The following MCC variants were observed in gnomAD, a reference collection of about 807,000 sequenced individuals.
MCC encodes the protein colorectal mutant cancer protein.
A neutral mutation model predicts 116.2 loss-of-function variants in MCC; 90 were observed. The observed-to-expected ratio is 0.77, with a 90% CI of 0.65 to 0.92. The LOEUF is 0.92. Among genes scored for constraint, MCC ranks in the 40% least tolerant of loss-of-function variants. The pLI, the probability that MCC is intolerant of heterozygous loss-of-function variation, is 0.00. For missense variants in MCC, 1,516 were observed against 1,312.2 expected, an observed-to-expected ratio of 1.16 and a Z score of -2.40; for synonymous variants, 578 against 510.5, an observed-to-expected ratio of 1.13 and a Z score of -1.78.
At position 113,026,910 on chromosome 5, in the gene MCC, G is replaced by A. The variant is rs765150850; in HGVS notation, c.*392C>T. The A allele has an allele frequency of 9.5e-5, 16 of 169,110 alleles. No individual in the cohort carries two copies. The highest frequency in any genetic ancestry group is 1.4e-4 in the Non-Finnish European group (11 of 79,726). 10.5% of individuals were successfully genotyped at this position (169,110 alleles called of 1,614,324 possible). A position where few individuals can be genotyped will look rare whatever the true frequency, so the allele number is the denominator to read the frequency against. On this transcript the variant is annotated 3_prime_UTR_variant, in exon 19 of 19. Coordinates refer to ENST00000408903, the MANE Select transcript of MCC (RefSeq NM_001085377.2). ...GAGGAGAAACGAGATTCTAGAAGATGAGCCCAGCATCTACCAAAAAGAGGA... is the reference window on the plus strand; with the variant it reads ...GAGGAGAAACGAGATTCTAGAAGATAAGCCCAGCATCTACCAAAAAGAGGA...
At chr5:113,210,293 C>T (rs1487300780) in intron 3 of MCC, among the ~76,000 whole-genome samples, 2 of 152,182 alleles carry the variant, frequency 1.3e-5, no homozygotes, top group Non-Finnish European at 2.9e-5. Flanking sequence ...TCTTCCTTCC[C>T]AATTCTCTCT....
At chr5:113,243,675 CCTT>C (rs1764465677) in intron 3 of MCC, among the ~76,000 whole-genome samples, 1 of 151,852 alleles carries the variant, frequency 6.6e-6, no homozygotes, top group African/African-American at 2.4e-5. Flanking sequence ...GTGTGTTTAT[CCTT>C]CTTTCTGTTT....
At chr5:113,234,996 C>T (rs530474170) in intron 3 of MCC, among the ~76,000 whole-genome samples, 1 of 152,310 alleles carries the variant, frequency 6.6e-6, no homozygotes, top group East Asian at 1.9e-4. Context: ...TGGCAAACTT[C>T]CAAGAGCATG....
At chr5:113,298,979 C>A (rs1048295118) in intron 3 of MCC, among the ~76,000 whole-genome samples, 2 of 151,950 alleles carry the variant, frequency 1.3e-5, no homozygotes, top group Non-Finnish European at 2.9e-5. Flanking sequence ...ATGCTGAACC[C>A]CATTGCATGT....
chr5:113,340,801 T>C (rs1038514715), intron 2 of MCC, 71 bp from the exon 3 acceptor site: 91 of 1,273,484 alleles, frequency 7.1e-5, no homozygotes, highest in Non-Finnish European at 9.2e-5. Flanking sequence ...CAATAGGCAA[T>C]GATTTGGAAC....
intron 3 of MCC, among the ~76,000 whole-genome samples, chr5:113,243,562 T>G (rs1764459172): frequency 6.6e-6 from 1 of 152,234 alleles, no homozygotes; most frequent in Non-Finnish European, 1.5e-5. Context: ...GCCATGGGCC[T>G]CCACTGTTCC....
chr5:113,140,489 G>T (rs1759112850), intron 5 of MCC, among the ~76,000 whole-genome samples: 1 of 152,128 alleles, frequency 6.6e-6, no homozygotes, highest in Non-Finnish European at 1.5e-5. Flanking sequence ...ACTCACATTA[G>T]CATCTGCAAC....
chr5:113,417,875 G>A (rs1770200165), intron 1 of MCC, among the ~76,000 whole-genome samples: 2 of 151,874 alleles, frequency 1.3e-5, no homozygotes, highest in African/African-American at 4.8e-5. Flanking sequence ...CAAGGCTACA[G>A]TGAGCTGAGA....
Position 113,387,403 on chromosome 5 carries a change from T to G in MCC, c.171-2191A>C, listed in dbSNP as rs558607124. ...AGACCTACCTGATATTCAGCCAGAT[T>G]CATCCAAGAGTTAGGGATGATTAGG... On this transcript the variant is annotated intron_variant, in intron 1 of 18. Transcript: ENST00000408903. Among the ~76,000 whole-genome samples the G allele has an allele frequency of 1.1e-4, 17 of 152,342 alleles. No homozygotes were observed. The South Asian group carries it at 3.5e-3, about 32-fold the overall frequency.
chr5:113,064,197 C>T (rs1315282730), intron 13 of MCC, 30 bp from the exon 14 acceptor site: 2 of 1,581,636 alleles, frequency 1.3e-6, no homozygotes, highest in Non-Finnish European at 1.7e-6. Flanking sequence ...ACGGATTAAT[C>T]AACATAGGCC....
intron 11 of MCC, among the ~76,000 whole-genome samples, chr5:113,079,570 G>C (rs540334262): frequency 5.1e-4 from 78 of 152,234 alleles, no homozygotes; most frequent in Non-Finnish European, 7.2e-4. Flanking sequence ...GGATTCCCTA[G>C]TTAATAAATG....
chr5:113,438,387 T>C (rs967391545), intron 1 of MCC, among the ~76,000 whole-genome samples: 1 of 152,192 alleles, frequency 6.6e-6, no homozygotes, highest in Non-Finnish European at 1.5e-5. Flanking sequence ...GGCCACATCT[T>C]ATTAGTACAG....
At chr5:113,085,575 C>G (rs903198095) in intron 8 of MCC, among the ~76,000 whole-genome samples, 1 of 152,074 alleles carries the variant, frequency 6.6e-6, no homozygotes, top group Non-Finnish European at 1.5e-5. Context: ...TTATATTTGC[C>G]TAAGAGTCAC....
intron 3 of MCC, among the ~76,000 whole-genome samples, chr5:113,329,501 ACTG>A (rs1267619775): frequency 1.1e-4 from 17 of 150,794 alleles, no homozygotes; most frequent in African/African-American, 4.1e-4. Flanking sequence ...TATAAACACA[ACTG>A]CTGTAGATCT....
chr5:113,366,775 A>G (rs1451492121), intron 2 of MCC, among the ~76,000 whole-genome samples: 3 of 152,158 alleles, frequency 2.0e-5, no homozygotes, highest in Non-Finnish European at 4.4e-5. Context: ...TTAAAAATAT[A>G]GTTATTTCAG....
chr5:113,039,249 G>T (rs1238789594), intron 17 of MCC, among the ~76,000 whole-genome samples: 1 of 152,148 alleles, frequency 6.6e-6, no homozygotes, highest in Non-Finnish European at 1.5e-5. Context: ...ACGAGATCTC[G>T]CTATGTTGCC....
chr5:113,340,803 A>T, intron 2 of MCC, 73 bp from the exon 3 acceptor site: 2 of 1,210,742 alleles, frequency 1.7e-6, no homozygotes, highest in Non-Finnish European at 2.4e-6. Context: ...ATAGGCAATG[A>T]TTTGGAACCT....
intron 1 of MCC, among the ~76,000 whole-genome samples, chr5:113,461,688 A>AT (rs1450300580): frequency 6.6e-6 from 1 of 150,406 alleles, no homozygotes; most frequent in Non-Finnish European, 1.5e-5. Flanking sequence ...AACTGTTTTA[A>AT]TTTTTTAAAA....
At chr5:113,338,914 A>G (rs1043826837) in intron 3 of MCC, among the ~76,000 whole-genome samples, 1 of 152,236 alleles carries the variant, frequency 6.6e-6, no homozygotes, top group African/African-American at 2.4e-5. Context: ...ATGAGACATT[A>G]TCATACCCTA....
Sources: allele counts gnomAD v4.1 joint callset (sites outside exome capture counted in the v4.1 genomes callset), GRCh38; gene constraint gnomAD v4.1.1; transcripts MANE v1.5; gene names NCBI Gene and HGNC (gene_info 2026-07-23, HGNC 2026-07-21).